The following DOCK9 variants were observed in gnomAD, a reference collection of about 807,000 sequenced individuals.
The protein encoded by DOCK9 is dedicator of cytokinesis protein 9.
DOCK9 carries 89 observed loss-of-function variants against 263.3 expected under a neutral mutation model. The ratio of observed to expected loss-of-function variants is 0.34; its 90% CI spans 0.28 to 0.40. DOCK9 has a LOEUF of 0.40. DOCK9 is among the 10% of genes least tolerant of loss of function. The probability of loss-of-function intolerance (pLI) is 1.00; values close to 1 mark genes in which losing one functional copy is unlikely to be tolerated. For missense variants in DOCK9, 2,140 were observed against 2,603.4 expected (o/e 0.82, Z 3.87); for synonymous variants, 976 against 973.1 (o/e 1.00, Z -0.06).
At position 98,848,648 on chromosome 13, in the gene DOCK9, A is replaced by G. The variant is rs1413992836; in HGVS notation, c.4014-9T>C. The G allele has an allele frequency of 6.2e-7, 1 of 1,610,546 alleles. No homozygotes were observed. Among genetic ancestry groups the G allele is most frequent in the Non-Finnish European group, 8.5e-7 (1 of 1,178,598 alleles). On this transcript the variant is annotated splice_polypyrimidine_tract_variant and intron_variant, in intron 36 of 52. Coordinates refer to ENST00000682017, the MANE Select transcript of DOCK9 (RefSeq NM_001366683.2). ...ACTGGTGCAGGCAGACTCTGCAGGC[A>G]AGATGAAAAATTATTAGGGAAATGC...
chr13:98,950,355 C>T, intron 2 of DOCK9: 1 of 920,590 alleles, frequency 1.1e-6, no homozygotes, highest in Non-Finnish European at 1.7e-6. Context: ...AAAGTGCCTG[C>T]TTTGCCTGAG....
In DOCK9 at chr13:98,829,198, A is replaced by T; in HGVS notation, c.4965+109T>A. ...ACTGTTTAAAGTTTTGCATACTTTT[A>T]ATTGGTTTTTGATTAATGGAATAAC... On this transcript the variant is annotated intron_variant, in intron 43 of 52. Coordinates refer to ENST00000682017, the MANE Select transcript of DOCK9 (RefSeq NM_001366683.2). This position sits in a 1 kb window ranked among gnomAD's most constrained non-coding sequence, Gnocchi z 4.1. 1.0e-6 allele frequency: 1 copy of T among 991,050 alleles called. No homozygotes were observed. The highest frequency in any genetic ancestry group is 1.5e-6 in the Non-Finnish European group (1 of 680,590). 61.4% of individuals were successfully genotyped at this position (991,050 alleles called of 1,614,324 possible).
rs1030878511 is a variant in DOCK9 at position 99,086,452 on chromosome 13, G to A, written c.-101C>T. The A allele has an allele frequency of 4.5e-5, 36 of 793,960 alleles. No individual in the cohort carries two copies. The African/African-American group carries it at 5.9e-4, about 13-fold the overall frequency. 49.2% of individuals were successfully genotyped at this position (793,960 alleles called of 1,614,324 possible). A position where few individuals can be genotyped will look rare whatever the true frequency, so the allele number is the denominator to read the frequency against. On this transcript the variant is annotated 5_prime_UTR_variant, in exon 1 of 33. Transcript: ENST00000427887. ...CGGCGCCCGGCCCGCTCCGCCCGCC[G>A]CTCCCGGCGCCGCCGCCGCCTGCTC...
chr13:98,820,856 G>A (rs1160929196), intron 45 of DOCK9, among the ~76,000 whole-genome samples: 1 of 152,174 alleles, frequency 6.6e-6, no homozygotes, highest in African/African-American at 2.4e-5. Flanking sequence ...AGGCAGCCCA[G>A]CAAGTCCCAG....
chr13:98,820,058 G>A (rs2092166095), intron 45 of DOCK9, among the ~76,000 whole-genome samples: 1 of 152,240 alleles, frequency 6.6e-6, no homozygotes. Flanking sequence ...TAAAGTCACT[G>A]TGAATTAGTG....
intron 45 of DOCK9, among the ~76,000 whole-genome samples, chr13:98,816,265 C>G (rs552064113): frequency 7.4e-4 from 112 of 152,206 alleles, no homozygotes; most frequent in African/African-American, 2.6e-3. Context: ...AAGACACACA[C>G]GGTCATCCTC....
intron 1 of DOCK9, among the ~76,000 whole-genome samples, chr13:99,073,697 C>G (rs888168895): frequency 6.6e-5 from 10 of 152,156 alleles, no homozygotes; most frequent in African/African-American, 2.2e-4. Flanking sequence ...TTCCTGCCTT[C>G]AATCCTGGTG....
rs78629751 is a variant in DOCK9 at position 98,918,813 on chromosome 13, A to T, written c.717+2141T>A. Among the ~76,000 whole-genome samples, 13 of 152,360 alleles carry T rather than the reference A, an allele frequency of 8.5e-5. No individual in the cohort carries two copies. The East Asian group carries it at 2.5e-3, about 29-fold the overall frequency. ...CAAGAAAGTAGAACAAGAAAGAGGA[A>T]GGCATAAGGTCCCAGAAACAGGAAA... is the stretch of plus-strand genomic sequence containing the variant. On this transcript the variant is annotated intron_variant, in intron 7 of 52. Coordinates refer to ENST00000682017, the MANE Select transcript of DOCK9 (RefSeq NM_001366683.2).
intron 2 of DOCK9, among the ~76,000 whole-genome samples, chr13:98,931,997 G>T (rs1451981971): frequency 6.6e-6 from 1 of 152,184 alleles, no homozygotes; most frequent in Non-Finnish European, 1.5e-5. Context: ...AAAGTGCTGA[G>T]ATTACAGGCG....
At chr13:98,958,770 T>C (rs1342376306) in intron 1 of DOCK9, among the ~76,000 whole-genome samples, 1 of 152,246 alleles carries the variant, frequency 6.6e-6, no homozygotes, top group African/African-American at 2.4e-5. Context: ...GTTTCCTGTC[T>C]CTGGACATAT....
At chr13:98,835,800 C>T (rs1303874439) in intron 39 of DOCK9, among the ~76,000 whole-genome samples, 2 of 132,694 alleles carry the variant, frequency 1.5e-5, no homozygotes, top group African/African-American at 5.8e-5. Flanking sequence ...AGTGCAGTGG[C>T]GAGATCTTGG....
At position 98,829,385 on chromosome 13, in the gene DOCK9, A is replaced by G; in HGVS notation, c.4887T>C (p.Tyr1629=). 1 of 1,613,788 alleles carries G rather than the reference A, an allele frequency of 6.2e-7. No homozygotes were observed. Among genetic ancestry groups the G allele is most frequent in the Middle Eastern group, 1.6e-4 (1 of 6,062 alleles). ...TCTTCCTGAGCTCGGGCGTGCTGGC[A>G]TAGGATTTGGCCAGGCTGTACTGGA... ...VDLQYSLAKS[Y]ASTPELRKTW... Residue 1629 remains tyrosine, a synonymous_variant, in exon 43 of 53, where the codon TAT becomes TAC. Coordinates refer to ENST00000682017, the MANE Select transcript of DOCK9 (RefSeq NM_001366683.2). This position sits in a 1 kb window ranked among gnomAD's most constrained non-coding sequence, Gnocchi z 4.1.
chr13:99,011,441 GC>G, intron 1 of DOCK9, among the ~76,000 whole-genome samples: 1 of 152,262 alleles, frequency 6.6e-6, no homozygotes, highest in African/African-American at 2.4e-5. Flanking sequence ...TGATGACTTG[GC>G]TGGGATCAGC....
At chr13:99,012,903 A>G (rs1314791186) in intron 1 of DOCK9, among the ~76,000 whole-genome samples, 1 of 152,174 alleles carries the variant, frequency 6.6e-6, no homozygotes, top group East Asian at 1.9e-4. Context: ...AAAAATTTAA[A>G]AAAACACACA....
intron 2 of DOCK9, among the ~76,000 whole-genome samples, chr13:98,937,993 C>T (rs1433318410): frequency 1.3e-5 from 2 of 152,204 alleles, no homozygotes; most frequent in East Asian, 1.9e-4. Context: ...CCTGTTTCCT[C>T]ACCTGGGCCG....
chr13:98,903,549 G>A (rs867597070), intron 10 of DOCK9, among the ~76,000 whole-genome samples: 24 of 140,356 alleles, frequency 1.7e-4, no homozygotes, highest in Middle Eastern at 4.1e-3. Context: ...GCAGTGAGCC[G>A]AGATTGCACC....
intron 1 of DOCK9, among the ~76,000 whole-genome samples, chr13:99,049,546 C>A (rs1045593210): frequency 3.3e-5 from 5 of 152,068 alleles, no homozygotes; most frequent in African/African-American, 1.2e-4. Flanking sequence ...TAAACAGGGT[C>A]TTGCTCTGTT....
At chr13:98,907,660 T>C (rs1414731575) in intron 9 of DOCK9, among the ~76,000 whole-genome samples, 2 of 152,192 alleles carry the variant, frequency 1.3e-5, no homozygotes, top group African/African-American at 4.8e-5. Context: ...TATACATCTA[T>C]TGCTCTGCTA....
At chr13:98,853,286 A>ATG (rs1566722129) in intron 35 of DOCK9, 122 bp downstream of exon 35, 18 of 614,374 alleles carry the variant, frequency 2.9e-5, no homozygotes, top group African/African-American at 2.8e-4. Flanking sequence ...TAGTCAATGA[A>ATG]TATGCATTTT....
Sources: allele counts gnomAD v4.1 joint callset (sites outside exome capture counted in the v4.1 genomes callset), GRCh38; gene constraint gnomAD v4.1.1; non-coding constraint Gnocchi (gnomAD v3.1); transcripts MANE v1.5; gene names NCBI Gene and HGNC (gene_info 2026-07-23, HGNC 2026-07-21).